The following TBC1D5 variants were observed in gnomAD, a reference collection of about 807,000 sequenced individuals.
TBC1D5 encodes TBC1 domain family member 5.
A neutral mutation model predicts 100.3 loss-of-function variants in TBC1D5; 75 were observed. That is an observed-to-expected ratio of 0.75 (90% confidence interval 0.62 to 0.91). The LOEUF (loss-of-function observed/expected upper bound fraction) is 0.91. TBC1D5 is among the 40% of genes least tolerant of loss of function. TBC1D5 has a pLI of 0.00. For synonymous variants in TBC1D5, 323 were observed against 325.6 expected (o/e 0.99, Z 0.09); for missense variants, 910 against 942.4 (o/e 0.97, Z 0.45).
At chr3:17,431,313 A>G (rs1314133130) in intron 3 of TBC1D5, among the ~76,000 whole-genome samples, 1 of 151,994 alleles carries the variant, frequency 6.6e-6, no homozygotes, top group Non-Finnish European at 1.5e-5. Context: ...AAATGGTCAA[A>G]CAGCACAAAT....
At chr3:17,648,673 C>A (rs1007770717) in intron 1 of TBC1D5, among the ~76,000 whole-genome samples, 7 of 137,658 alleles carry the variant, frequency 5.1e-5, no homozygotes, top group Non-Finnish European at 7.4e-5. Context: ...CCAAAAAACA[C>A]AAACAGACAC....
chr3:17,167,558 C>T (rs935280892), intron 20 of TBC1D5, among the ~76,000 whole-genome samples, 191 bp downstream of exon 21: 8 of 152,238 alleles, frequency 5.3e-5, no homozygotes, highest in South Asian at 2.1e-4. Flanking sequence ...CAGCGTGGGT[C>T]GCAAGCTAGT....
intron 3 of TBC1D5, among the ~76,000 whole-genome samples, chr3:17,481,064 A>G (rs1463128572): frequency 6.6e-6 from 1 of 151,994 alleles, no homozygotes; most frequent in Non-Finnish European, 1.5e-5. Flanking sequence ...GGTTGTGACA[A>G]CCTCTTTGGG....
At chr3:17,313,561 CAT>C (rs2084299544) in intron 13 of TBC1D5, among the ~76,000 whole-genome samples, 1 of 152,112 alleles carries the variant, frequency 6.6e-6, no homozygotes, top group African/African-American at 2.4e-5. Flanking sequence ...AAAAATAAAA[CAT>C]GTCTGACTTT....
chr3:17,722,016 T>C (rs960043607), intron 1 of TBC1D5, among the ~76,000 whole-genome samples: 1 of 152,088 alleles, frequency 6.6e-6, no homozygotes, highest in Non-Finnish European at 1.5e-5. Context: ...CTAATAATAA[T>C]AATAATGTGA....
intron 3 of TBC1D5, among the ~76,000 whole-genome samples, chr3:17,488,031 A>G: frequency 6.6e-6 from 1 of 152,200 alleles, no homozygotes; most frequent in Non-Finnish European, 1.5e-5. Flanking sequence ...TTTGTGCTAT[A>G]CATTTTATAT....
At chr3:17,248,313 G>C (rs1257446323) in intron 16 of TBC1D5, among the ~76,000 whole-genome samples, 1 of 152,156 alleles carries the variant, frequency 6.6e-6, no homozygotes, top group Admixed American at 6.5e-5. Flanking sequence ...ATCCCTCTGA[G>C]TCATTGATGA....
intron 13 of TBC1D5, among the ~76,000 whole-genome samples, chr3:17,362,214 G>T (rs1422174268): frequency 6.6e-6 from 1 of 152,162 alleles, no homozygotes; most frequent in African/African-American, 2.4e-5. Context: ...GTATGACTTG[G>T]ATTGGGCAGA....
chr3:17,235,952 C>T (rs1306442479), intron 17 of TBC1D5, among the ~76,000 whole-genome samples: 1 of 150,728 alleles, frequency 6.6e-6, no homozygotes, highest in Non-Finnish European at 1.5e-5. Context: ...AACACAAGTA[C>T]AAATATAGAA....
intron 3 of TBC1D5, among the ~76,000 whole-genome samples, chr3:17,469,295 C>T (rs1228426897): frequency 6.6e-6 from 1 of 152,014 alleles, no homozygotes; most frequent in African/African-American, 2.4e-5. Context: ...ACTGAGGGAG[C>T]CAGAATAATC....
chr3:17,350,461 T>C (rs1213591836), intron 13 of TBC1D5, among the ~76,000 whole-genome samples: 2 of 152,168 alleles, frequency 1.3e-5, no homozygotes, highest in African/African-American at 4.8e-5. Context: ...ATCATTTACA[T>C]TATATACTTT....
intron 14 of TBC1D5, among the ~76,000 whole-genome samples, chr3:17,300,850 T>C (rs1288293683): frequency 6.6e-6 from 1 of 152,160 alleles, no homozygotes; most frequent in Non-Finnish European, 1.5e-5. Context: ...GGTGGGCAGA[T>C]GACCTGAGGT....
chr3:17,647,462 G>A (rs1325755335), intron 1 of TBC1D5, among the ~76,000 whole-genome samples: 1 of 150,202 alleles, frequency 6.7e-6, no homozygotes, highest in African/African-American at 2.4e-5. Context: ...TATATAAGGT[G>A]CTCAGAGAAC....
chr3:17,377,095 A>C (rs2092739470), intron 9 of TBC1D5, among the ~76,000 whole-genome samples: 1 of 152,144 alleles, frequency 6.6e-6, no homozygotes, highest in Admixed American at 6.6e-5. Flanking sequence ...GAAGTCAGCT[A>C]GCTAAAATGT....
At chr3:17,354,460 A>G (rs993513575) in intron 13 of TBC1D5, among the ~76,000 whole-genome samples, 2 of 152,220 alleles carry the variant, frequency 1.3e-5, no homozygotes, top group Admixed American at 1.3e-4. Context: ...TCCCCTTGAA[A>G]AACTGCAAAT....
At chr3:17,414,340 A>AT (rs775377406) in intron 4 of TBC1D5, among the ~76,000 whole-genome samples, 6 of 152,200 alleles carry the variant, frequency 3.9e-5, no homozygotes, top group African/African-American at 7.2e-5. Context: ...AAATTGCCAT[A>AT]TTTAGTATGA....
At chr3:17,182,412 C>T (rs1382075425) in intron 19 of TBC1D5, among the ~76,000 whole-genome samples, 3 of 152,202 alleles carry the variant, frequency 2.0e-5, no homozygotes, top group South Asian at 2.1e-4. Context: ...AAGTGTTTCC[C>T]CCTCCCATGC....
chr3:17,158,710 CTG>C, exon 22 of TBC1D5: 1 of 152,364 alleles, frequency 6.6e-6, no homozygotes, highest in South Asian at 2.1e-4. Flanking sequence ...ACCCAGCCAA[CTG>C]CAGGGAGCCA....
At chr3:17,190,878 G>A (rs554634688) in intron 18 of TBC1D5, among the ~76,000 whole-genome samples, 5 of 152,256 alleles carry the variant, frequency 3.3e-5, no homozygotes, top group East Asian at 1.9e-4. Context: ...CAGGAAAGAC[G>A]CCCAGTCTTT....
Sources: allele counts gnomAD v4.1 joint callset (sites outside exome capture counted in the v4.1 genomes callset), GRCh38; gene constraint gnomAD v4.1.1; transcripts MANE v1.5; gene names NCBI Gene and HGNC (gene_info 2026-07-23, HGNC 2026-07-21).